The following RNF38 variants were observed in gnomAD, a reference collection of about 807,000 sequenced individuals.
RNF38 encodes the protein E3 ubiquitin-protein ligase RNF38.
A neutral mutation model predicts 67.2 loss-of-function variants in RNF38; 15 were observed. That is an observed-to-expected ratio of 0.22 (90% CI 0.15 to 0.34). The LOEUF (loss-of-function observed/expected upper bound fraction) is 0.34, where lower values mean the gene tolerates loss of function less well. Among genes scored for constraint, RNF38 ranks in the 10% least tolerant of loss-of-function variants. The pLI is 1.00. For missense variants in RNF38, 524 were observed against 639.9 expected, an observed-to-expected ratio of 0.82 and a Z score of 1.95; for synonymous variants, 220 against 218.8, an observed-to-expected ratio of 1.01 and a Z score of -0.05.
intron 4 of RNF38, among the ~76,000 whole-genome samples, chr9:36,366,648 C>G (rs1157389139): frequency 1.3e-5 from 2 of 152,092 alleles, no homozygotes; most frequent in Admixed American, 1.3e-4. Flanking sequence ...TTCTTCTTGT[C>G]TTTTCTGCTG....
At chr9:36,351,089 A>C in intron 9 of RNF38, 26 bp downstream of exon 9, 1 of 1,483,788 alleles carries the variant, frequency 6.7e-7, no homozygotes, top group Non-Finnish European at 9.4e-7. Context: ...ATATTCCCCA[A>C]ATTAATTCAC....
Position 36,352,768 on chromosome 9 carries a change from A to G in RNF38, c.1152T>C (p.Tyr384=), listed in dbSNP as rs759610961. The G allele has an allele frequency of 1.4e-5, 22 of 1,613,730 alleles. No homozygotes were observed. The highest frequency in any genetic ancestry group is 1.6e-5 in the Non-Finnish European group (19 of 1,179,756). The part of the protein sequence containing the change: ...RSQQPIPPPP[Y]HPSLLPYVLS... ...ACACATATGGCAGTAAGCTGGGATG[A>G]TAAGGGGGAGGTGGTATTGGCTGCT... The change falls in exon 8 of 12, where the codon TAT becomes TAC. Residue 384 remains tyrosine, a synonymous_variant. Transcript: ENST00000259605.
chr9:36,427,049 T>G (rs1374426157), intron 1 of RNF38, among the ~76,000 whole-genome samples: 1 of 152,094 alleles, frequency 6.6e-6, no homozygotes, highest in Non-Finnish European at 1.5e-5. Flanking sequence ...AGTCCTCAAT[T>G]TTTTTTGCTA....
chr9:36,460,868 C>G (rs1349166042), intron 1 of RNF38, among the ~76,000 whole-genome samples: 1 of 83,918 alleles, frequency 1.2e-5, no homozygotes, highest in Non-Finnish European at 2.2e-5. Context: ...GCCTGGGCAA[C>G]AAGAGGGAAA....
At chr9:36,432,558 A>AGGCG (rs913340192) in intron 1 of RNF38, among the ~76,000 whole-genome samples, 1 of 151,946 alleles carries the variant, frequency 6.6e-6, no homozygotes, top group Non-Finnish European at 1.5e-5. Flanking sequence ...TGGGAGGCAG[A>AGGCG]GGCGGGCGGG....
At chr9:36,350,680 G>C (rs539806078) in intron 9 of RNF38, among the ~76,000 whole-genome samples, 1 of 152,162 alleles carries the variant, frequency 6.6e-6, no homozygotes, top group African/African-American at 2.4e-5. Flanking sequence ...GGAATTGTAC[G>C]TAATTCTAAT....
chr9:36,478,210 C>A (rs539833485), intron 1 of RNF38, among the ~76,000 whole-genome samples: 1 of 151,272 alleles, frequency 6.6e-6, no homozygotes, highest in East Asian at 2.0e-4. Flanking sequence ...TGAGACCATT[C>A]TGGCTAACAT....
intron 2 of RNF38, among the ~76,000 whole-genome samples, chr9:36,423,572 C>A (rs62541859): frequency 6.6e-6 from 1 of 152,044 alleles, no homozygotes; most frequent in Admixed American, 6.6e-5. Context: ...TAAGTCCATC[C>A]AGATCGGCAG....
Position 36,353,358 on chromosome 9 carries a change from A to G in RNF38, c.910-27T>C, listed in dbSNP as rs1014309635. On this transcript the variant is annotated intron_variant, in intron 6 of 11. Transcript: ENST00000259605. ...TGAGGAGGGGGAAAAAAAAACACAT[A>G]TATGTATATATATATATACTTCCTG... 4 of 1,414,652 alleles carry G rather than the reference A, an allele frequency of 2.8e-6. No homozygotes were observed. In the Admixed American group the frequency reaches 7.1e-5, roughly 25 times the overall value. 87.6% of individuals were successfully genotyped at this position (1,414,652 alleles called of 1,614,324 possible).
intron 2 of RNF38, among the ~76,000 whole-genome samples, chr9:36,417,506 C>T (rs1838507082): frequency 6.6e-6 from 1 of 152,142 alleles, no homozygotes; most frequent in Non-Finnish European, 1.5e-5. Flanking sequence ...ATTAACAATA[C>T]TTCCATCACT....
chr9:36,359,054 T>C (rs949557620), intron 4 of RNF38, among the ~76,000 whole-genome samples: 4 of 152,162 alleles, frequency 2.6e-5, no homozygotes, highest in African/African-American at 9.7e-5. Context: ...TAATTTCATC[T>C]GAGGCCAAGG....
At chr9:36,354,453 G>A (rs573826522) in intron 6 of RNF38, among the ~76,000 whole-genome samples, 3 of 152,194 alleles carry the variant, frequency 2.0e-5, no homozygotes, top group African/African-American at 4.8e-5. Context: ...CACCGCGCAC[G>A]GCCCAGCTTT....
chr9:36,476,682 C>A (rs1376853536), intron 1 of RNF38, among the ~76,000 whole-genome samples: 1 of 151,950 alleles, frequency 6.6e-6, no homozygotes. Flanking sequence ...CACCACCATG[C>A]CCGGCTAACT....
At chr9:36,444,361 T>G (rs1003394340) in intron 1 of RNF38, among the ~76,000 whole-genome samples, 2 of 152,150 alleles carry the variant, frequency 1.3e-5, no homozygotes, top group Non-Finnish European at 2.9e-5. Flanking sequence ...ATGCTGGGCT[T>G]AATACCAAGG....
chr9:36,356,054 C>T (rs1027283178), intron 6 of RNF38, among the ~76,000 whole-genome samples: 1 of 152,174 alleles, frequency 6.6e-6, no homozygotes, highest in South Asian at 2.1e-4. Context: ...ACCATGTTGG[C>T]CAGGCTGGTC....
intron 4 of RNF38, among the ~76,000 whole-genome samples, chr9:36,361,581 A>G (rs1329079261): frequency 2.0e-5 from 3 of 152,194 alleles, no homozygotes; most frequent in African/African-American, 7.2e-5. Context: ...AGATCATACA[A>G]CACTTGAGCA....
chr9:36,435,408 T>C lies in RNF38; in HGVS notation n.242-10725A>G, dbSNP rs1587132761. 1.3e-5 allele frequency among the ~76,000 whole-genome samples: 2 copies of C among 152,162 alleles called. 1 individual carries two copies. The highest frequency in any genetic ancestry group is 2.9e-5 in the Non-Finnish European group (2 of 68,042). ...TAATTTTTAAATGAGATGTGACCTA[T>C]ACCTAAGAATTATTTGTATTCCAAA... On this transcript the variant is annotated intron_variant and non_coding_transcript_variant, in intron 1 of 3. Transcript: ENST00000488058.
chr9:36,391,892 C>T (rs1160256043), intron 1 of RNF38, among the ~76,000 whole-genome samples: 2 of 152,132 alleles, frequency 1.3e-5, no homozygotes, highest in African/African-American at 2.4e-5. Flanking sequence ...GGATTACAGG[C>T]GTGAGCCACT....
At chr9:36,426,859 T>TA (rs1422203010) in intron 1 of RNF38, among the ~76,000 whole-genome samples, 1 of 152,212 alleles carries the variant, frequency 6.6e-6, no homozygotes, top group Non-Finnish European at 1.5e-5. Flanking sequence ...TCTGTAAAAT[T>TA]AGAATATTAT....
Sources: allele counts gnomAD v4.1 joint callset (sites outside exome capture counted in the v4.1 genomes callset), GRCh38; gene constraint gnomAD v4.1.1; transcripts MANE v1.5; gene names NCBI Gene and HGNC (gene_info 2026-07-23, HGNC 2026-07-21).